Variants in HAO1 observed in about 807,000 individuals in gnomAD.
HAO1 encodes 2-Hydroxyacid oxidase 1.
A neutral mutation model predicts 39.7 loss-of-function variants in HAO1; 34 were observed. That is an observed-to-expected ratio of 0.86 (90% CI 0.65 to 1.14). The LOEUF is 1.14. Ranked by LOEUF, HAO1 falls within the 50% of genes most tolerant of loss-of-function variation. The pLI is 0.00. For missense variants in HAO1, 479 were observed against 464.5 expected (o/e 1.03, Z -0.29); for synonymous variants, 172 against 173.2 (o/e 0.99, Z 0.05).
chr20:7,885,661 C>T, intron 6 of HAO1, 45 bp downstream of exon 6: 3 of 1,574,330 alleles, frequency 1.9e-6, no homozygotes, highest in Non-Finnish European at 2.6e-6. Context: ...ATTTGTTTTA[C>T]TGTCAAGTTG....
chr20:7,901,837 G>A (rs1486160677), intron 4 of HAO1, among the ~76,000 whole-genome samples: 1 of 152,168 alleles, frequency 6.6e-6, no homozygotes, highest in Admixed American at 6.6e-5. Context: ...ATTTACAGGA[G>A]GAGGTCAAAA....
intron 4 of HAO1, among the ~76,000 whole-genome samples, chr20:7,903,112 C>T (rs2050228141): frequency 6.6e-6 from 1 of 152,242 alleles, no homozygotes; most frequent in Non-Finnish European, 1.5e-5. Flanking sequence ...GGCCCTGCCA[C>T]TGCTCCCTTC....
intron 1 of HAO1, 114 bp downstream of exon 1, chr20:7,940,171 TA>T: frequency 1.2e-6 from 1 of 839,612 alleles, no homozygotes; most frequent in Non-Finnish European, 1.7e-6. Context: ...CCCTCTCTAC[TA>T]AGCACAAATC....
intron 1 of HAO1, among the ~76,000 whole-genome samples, 176 bp downstream of exon 1, chr20:7,940,110 A>G (rs575321798): frequency 3.3e-5 from 5 of 152,278 alleles, no homozygotes; most frequent in Admixed American, 1.3e-4. Flanking sequence ...GGCTTGGAAT[A>G]TTTTTTAACA....
intron 7 of HAO1, among the ~76,000 whole-genome samples, chr20:7,884,787 C>A (rs1222818340): frequency 1.3e-5 from 2 of 151,958 alleles, no homozygotes; most frequent in Non-Finnish European, 2.9e-5. Context: ...CTGAGTAAAC[C>A]AAAAGCCACT....
chr20:7,890,016 C>A (rs112959982), intron 5 of HAO1, among the ~76,000 whole-genome samples: 1,964 of 152,152 alleles, frequency 0.013, 14 homozygotes, highest in Middle Eastern at 0.017. Context: ...ACCACAGCCT[C>A]CCCCAAGACC....
At chr20:7,889,602 A>G (rs2050164896) in intron 5 of HAO1, among the ~76,000 whole-genome samples, 1 of 152,170 alleles carries the variant, frequency 6.6e-6, no homozygotes, top group African/African-American at 2.4e-5. Context: ...GAAGCAACAT[A>G]TTAAGATGAA....
rs1209163632 is a variant in HAO1, at chr20:7,914,042, G to T, written c.545+122C>A. ...CAAAAAAAGTGATGTCTACAAAAGG[G>T]ATGTGATTAGCTGAAGATTAACTAG... On this transcript the variant is annotated intron_variant, in intron 3 of 7. Transcript: ENST00000378789. The T allele has an allele frequency of 2.3e-5, 23 of 1,014,350 alleles. No individual in the cohort carries two copies. In the East Asian group the frequency reaches 4.7e-4, roughly 21 times the overall value. The allele number at this position is 1,014,350 out of a possible 1,614,324, so 62.8% of individuals were successfully genotyped here. A position where few individuals can be genotyped will look rare whatever the true frequency, so the allele number is the denominator to read the frequency against.
intron 2 of HAO1, among the ~76,000 whole-genome samples, chr20:7,916,233 T>G (rs2050306508): frequency 6.6e-6 from 1 of 152,162 alleles, no homozygotes. Context: ...ATATAATGTT[T>G]ATATGCAATA....
intron 5 of HAO1, among the ~76,000 whole-genome samples, chr20:7,890,378 T>A (rs1298145074): frequency 6.6e-6 from 1 of 151,982 alleles, no homozygotes; most frequent in Non-Finnish European, 1.5e-5. Context: ...CATGCCCGGC[T>A]AATTTTTGTG....
intron 2 of HAO1, among the ~76,000 whole-genome samples, chr20:7,929,004 A>G (rs1018961656): frequency 6.6e-6 from 1 of 152,100 alleles, no homozygotes; most frequent in African/African-American, 2.4e-5. Flanking sequence ...CCCCCTTCTG[A>G]TGGAACATGC....
In HAO1 at chr20:7,891,706, C is replaced by T. The variant is rs79304696; in HGVS notation, c.813+3427G>A. Among the ~76,000 whole-genome samples, 20 of 152,230 alleles carry T rather than the reference C, an allele frequency of 1.3e-4. 1 individual carries two copies. In the East Asian group the frequency reaches 3.7e-3, roughly 28 times the overall value. Reference sequence around the variant, plus strand: ...GGTTCGGTTATTGTTTTTTAAAAAACGGTCTCAGGGAACAAACTCAAAAGC... The same window carrying T: ...GGTTCGGTTATTGTTTTTTAAAAAATGGTCTCAGGGAACAAACTCAAAAGC... On this transcript the variant is annotated intron_variant, in intron 5 of 7. Coordinates refer to ENST00000378789, the MANE Select transcript of HAO1 (RefSeq NM_017545.3).
intron 1 of HAO1, among the ~76,000 whole-genome samples, chr20:7,939,952 T>C (rs1286475214): frequency 6.6e-6 from 1 of 152,206 alleles, no homozygotes; most frequent in Non-Finnish European, 1.5e-5. Flanking sequence ...TCCTACACCA[T>C]GAACATAAGC....
intron 3 of HAO1, among the ~76,000 whole-genome samples, chr20:7,913,388 T>C (rs1213823826): frequency 1.3e-5 from 2 of 152,058 alleles, no homozygotes; most frequent in Non-Finnish European, 2.9e-5. Flanking sequence ...ATATGAAAAA[T>C]CCAAGAGCAC....
chr20:7,936,484 A>G (rs1414329352), intron 1 of HAO1, among the ~76,000 whole-genome samples: 1 of 124,400 alleles, frequency 8.0e-6, no homozygotes, highest in African/African-American at 3.1e-5. Flanking sequence ...AAGAACAAGC[A>G]AATCTGCAGG....
At chr20:7,931,682 C>A (rs954936324) in intron 2 of HAO1, among the ~76,000 whole-genome samples, 2 of 152,080 alleles carry the variant, frequency 1.3e-5, no homozygotes, top group Non-Finnish European at 2.9e-5. Context: ...TTAATATCTT[C>A]TTATGGTTAC....
intron 5 of HAO1, among the ~76,000 whole-genome samples, chr20:7,890,349 G>T (rs1428830320): frequency 6.6e-6 from 1 of 151,984 alleles, no homozygotes; most frequent in African/African-American, 2.4e-5. Context: ...AAGTACCTAG[G>T]ATTACAGATG....
chr20:7,936,937 A>T (rs1200861089), intron 1 of HAO1, among the ~76,000 whole-genome samples: 1 of 152,204 alleles, frequency 6.6e-6, no homozygotes, highest in South Asian at 2.1e-4. Flanking sequence ...ATTTCCCACA[A>T]TCATACATAA....
rs1771544579 is a variant in HAO1 at position 7,909,385 on chromosome 20, A to ATATATATATATG, written c.546-3057_546-3056insCATATATATATA. ...CATATATATATATATATATGTATAT[A>ATATATATATATG]TATATATATATATATATATGCTTAA... On this transcript the variant is annotated intron_variant, in intron 3 of 7. Coordinates refer to ENST00000378789, the MANE Select transcript of HAO1 (RefSeq NM_017545.3). Among the ~76,000 whole-genome samples the ATATATATATATG allele has an allele frequency of 2.7e-5, 3 of 112,584 alleles. 1 individual carries two copies. Among genetic ancestry groups the ATATATATATATG allele is most frequent in the African/African-American group, 1.2e-4 (3 of 25,772 alleles). 73.9% of individuals were successfully genotyped at this position (112,584 alleles called of 152,430 possible). A position where few individuals can be genotyped will look rare whatever the true frequency, so the allele number is the denominator to read the frequency against.
Sources: allele counts gnomAD v4.1 joint callset (sites outside exome capture counted in the v4.1 genomes callset), GRCh38; gene constraint gnomAD v4.1.1; transcripts MANE v1.5; gene names NCBI Gene and HGNC (gene_info 2026-07-23, HGNC 2026-07-21).